Variants in STX8 observed in about 807,000 individuals in gnomAD.
STX8 encodes syntaxin 8.
STX8 carries 23 observed loss-of-function variants against 37.5 expected under a neutral mutation model. The observed-to-expected ratio is 0.61, with a 90% CI of 0.44 to 0.87. The LOEUF (loss-of-function observed/expected upper bound fraction) is 0.87, where lower values mean the gene tolerates loss of function less well. Among genes scored for constraint, STX8 ranks in the 40% least tolerant of loss-of-function variants. The pLI, the probability that STX8 is intolerant of heterozygous loss-of-function variation, is 0.00. For synonymous variants in STX8, 115 were observed against 99.1 expected, an observed-to-expected ratio of 1.16 and a Z score of -0.95; for missense variants, 313 against 284.7, an observed-to-expected ratio of 1.10 and a Z score of -0.71.
intron 7 of STX8, among the ~76,000 whole-genome samples, chr17:9,255,124 CTAT>C (rs942201867): frequency 6.6e-6 from 1 of 152,130 alleles, no homozygotes; most frequent in African/African-American, 2.4e-5. Context: ...TCTAGTGGAA[CTAT>C]TATTAATACA....
chr17:9,471,842 C>T (rs1265010716), intron 6 of STX8, among the ~76,000 whole-genome samples: 3 of 152,146 alleles, frequency 2.0e-5, no homozygotes, highest in African/African-American at 7.2e-5. Context: ...GAGCCTTTTC[C>T]CTTTGCTGAT....
intron 3 of STX8, chr17:9,553,762 A>G (rs140673941): frequency 1.1e-4 from 17 of 152,342 alleles, no homozygotes; most frequent in African/African-American, 3.8e-4. Context: ...GCAGTCCAGT[A>G]ACACAACAAT....
chr17:9,458,603 G>T (rs948029152), intron 6 of STX8, among the ~76,000 whole-genome samples: 1 of 152,206 alleles, frequency 6.6e-6, no homozygotes, highest in Non-Finnish European at 1.5e-5. Flanking sequence ...ATATACGAGA[G>T]GTTCTAACTT....
chr17:9,268,928 C>T (rs1005162510), intron 7 of STX8, among the ~76,000 whole-genome samples: 5 of 152,200 alleles, frequency 3.3e-5, no homozygotes, highest in African/African-American at 1.2e-4. Flanking sequence ...TGGCTCACGC[C>T]TGTAATCCCA....
At chr17:9,561,605 G>A (rs562113312) in intron 2 of STX8, among the ~76,000 whole-genome samples, 3 of 136,066 alleles carry the variant, frequency 2.2e-5, no homozygotes, top group South Asian at 4.9e-4. Context: ...AGGTTGCAGT[G>A]AGCCGAGATT....
intron 7 of STX8, among the ~76,000 whole-genome samples, chr17:9,332,582 T>G (rs915127051): frequency 2.6e-5 from 4 of 152,238 alleles, no homozygotes; most frequent in Non-Finnish European, 5.9e-5. Flanking sequence ...GTTTCAGTCA[T>G]CTGTCATAAA....
At chr17:9,267,341 T>A (rs567654552) in intron 7 of STX8, among the ~76,000 whole-genome samples, 1 of 152,308 alleles carries the variant, frequency 6.6e-6, no homozygotes, top group African/African-American at 2.4e-5. Flanking sequence ...TCAACTGAGA[T>A]TAGCTACTAG....
At chr17:9,343,464 A>C (rs1383171764) in intron 7 of STX8, among the ~76,000 whole-genome samples, 2 of 152,214 alleles carry the variant, frequency 1.3e-5, no homozygotes, top group African/African-American at 4.8e-5. Flanking sequence ...GCTTTTAGCC[A>C]TATTCCTGCT....
chr17:9,407,377 C>T (rs1377812927), intron 6 of STX8, among the ~76,000 whole-genome samples: 1 of 152,044 alleles, frequency 6.6e-6, no homozygotes, highest in African/African-American at 2.4e-5. Flanking sequence ...AAAAACAAAC[C>T]ATAGACAAAA....
chr17:9,494,804 T>C (rs1038416086), intron 5 of STX8, among the ~76,000 whole-genome samples: 1 of 152,128 alleles, frequency 6.6e-6, no homozygotes, highest in African/African-American at 2.4e-5. Flanking sequence ...AAATTTAATA[T>C]GTATATTTTG....
chr17:9,353,519 A>G (rs1006973205), intron 7 of STX8, among the ~76,000 whole-genome samples: 51 of 152,306 alleles, frequency 3.3e-4, no homozygotes, highest in African/African-American at 1.2e-3. Flanking sequence ...CAAACCAAAC[A>G]CCATAAAGAT....
At chr17:9,504,237 G>C (rs1161751553) in intron 5 of STX8, among the ~76,000 whole-genome samples, 4 of 151,820 alleles carry the variant, frequency 2.6e-5, no homozygotes, top group Admixed American at 6.6e-5. Flanking sequence ...TGAGATTGGA[G>C]AAACAATATG....
At chr17:9,253,794 C>G (rs942851250) in intron 7 of STX8, among the ~76,000 whole-genome samples, 4 of 152,126 alleles carry the variant, frequency 2.6e-5, no homozygotes, top group Non-Finnish European at 4.4e-5. Context: ...GTATGAATGA[C>G]CGTGAATTGT....
chr17:9,402,121 T>A (rs966305857), intron 6 of STX8, among the ~76,000 whole-genome samples: 2 of 147,668 alleles, frequency 1.4e-5, no homozygotes, highest in African/African-American at 2.5e-5. Flanking sequence ...TTTATTTATT[T>A]ATTATTATTT....
chr17:9,437,511 C>G (rs544609413), intron 6 of STX8, among the ~76,000 whole-genome samples: 1 of 152,196 alleles, frequency 6.6e-6, no homozygotes, highest in African/African-American at 2.4e-5. Context: ...AATGAAATTG[C>G]AGACGTCTGA....
intron 3 of STX8, among the ~76,000 whole-genome samples, chr17:9,548,148 A>G (rs1338175204): frequency 3.3e-5 from 5 of 152,104 alleles, no homozygotes; most frequent in Non-Finnish European, 7.4e-5. Flanking sequence ...TCTGTCGCCC[A>G]GCCTGGAGTG....
chr17:9,375,464 T>C (rs941692016), intron 7 of STX8, among the ~76,000 whole-genome samples: 8 of 152,192 alleles, frequency 5.3e-5, no homozygotes, highest in Admixed American at 1.3e-4. Flanking sequence ...AGTTACTATG[T>C]TGCAAACACA....
At chr17:9,485,207 A>G (rs1428060086) in intron 6 of STX8, among the ~76,000 whole-genome samples, 1 of 152,238 alleles carries the variant, frequency 6.6e-6, no homozygotes, top group Non-Finnish European at 1.5e-5. Context: ...AATAAGACAC[A>G]AGGCAAGGTA....
At chr17:9,434,091 C>G (rs2142375753) in intron 6 of STX8, among the ~76,000 whole-genome samples, 1 of 152,246 alleles carries the variant, frequency 6.6e-6, no homozygotes, top group South Asian at 2.1e-4. Context: ...GCAACCTCCG[C>G]CTCCCAGGTT....
Sources: allele counts gnomAD v4.1 joint callset (sites outside exome capture counted in the v4.1 genomes callset), GRCh38; gene constraint gnomAD v4.1.1; transcripts MANE v1.5; gene names NCBI Gene and HGNC (gene_info 2026-07-23, HGNC 2026-07-21).